CATSPERQ: variants seen among roughly 807,000 people sequenced by gnomAD.
CATSPERQ encodes the protein cation channel sperm-associated auxiliary subunit theta.
chr8:144,354,555 T>TCCGGCC, the CATSPERQ span: 1 of 681,608 alleles, frequency 1.5e-6, no homozygotes, highest in Non-Finnish European at 2.2e-6. This position sits in a 1 kb window ranked among gnomAD's most constrained non-coding sequence, Gnocchi z 4.6. Context: ...CCCGTCTCCC[T>TCCGGCC]CCTCCCCCGC....
At chr8:144,354,344 C>A in the CATSPERQ span, 3 of 1,532,266 alleles carry the variant, frequency 2.0e-6, no homozygotes, top group Non-Finnish European at 8.7e-7. This position sits in a 1 kb window ranked among gnomAD's most constrained non-coding sequence, Gnocchi z 4.6. Flanking sequence ...GGGGGTGGCG[C>A]GGCGCGTGAG....
the CATSPERQ span, chr8:144,354,612 C>A: frequency 6.6e-7 from 1 of 1,523,546 alleles, no homozygotes; most frequent in Non-Finnish European, 8.8e-7. The surrounding 1 kb of genome is among the most constrained non-coding windows in gnomAD (Gnocchi z 4.6). Context: ...CAGCCTCGCG[C>A]GCACCGTTTG....
chr8:144,354,714 G>C, the CATSPERQ span: 1 of 1,535,666 alleles, frequency 6.5e-7, no homozygotes, highest in Non-Finnish European at 8.7e-7. This position sits in a 1 kb window ranked among gnomAD's most constrained non-coding sequence, Gnocchi z 4.6. Flanking sequence ...ACCAGAGCTG[G>C]AAGCGCCAGC....
chr8:144,354,861 A>C, the CATSPERQ span: 2 of 1,469,050 alleles, frequency 1.4e-6, no homozygotes, highest in Non-Finnish European at 1.8e-6. The surrounding 1 kb of genome is among the most constrained non-coding windows in gnomAD (Gnocchi z 4.6). Flanking sequence ...CAAATTCTCC[A>C]GGGCTGCAGG....
At chr8:144,354,509 T>C in the CATSPERQ span, 3 of 1,407,142 alleles carry the variant, frequency 2.1e-6, no homozygotes, top group South Asian at 4.4e-5. This position sits in a 1 kb window ranked among gnomAD's most constrained non-coding sequence, Gnocchi z 4.6. Flanking sequence ...TGGCCCTGCC[T>C]CTGCCCACCT....
chr8:144,353,599 C>T, the CATSPERQ span: 9 of 1,473,620 alleles, frequency 6.1e-6, no homozygotes, highest in Non-Finnish European at 8.1e-6. Context: ...GCGTCTCCTT[C>T]CCCTACCAGG....
At chr8:144,353,797 T>TGCACCA in the CATSPERQ span, 268 of 1,535,566 alleles carry the variant, frequency 1.7e-4, no homozygotes, top group Admixed American at 1.0e-3. Flanking sequence ...CTCCGACAGC[T>TGCACCA]GCACCAGCAC....
the CATSPERQ span, chr8:144,353,256 G>T: frequency 1.4e-6 from 2 of 1,395,290 alleles, no homozygotes; most frequent in Non-Finnish European, 1.9e-6. Flanking sequence ...TTGAAAGGAA[G>T]GCCAGTGAGT....
At chr8:144,354,648 G>C in the CATSPERQ span, 2 of 1,533,352 alleles carry the variant, frequency 1.3e-6, no homozygotes, top group Non-Finnish European at 1.7e-6. This position sits in a 1 kb window ranked among gnomAD's most constrained non-coding sequence, Gnocchi z 4.6. Flanking sequence ...ATGGGTAGAA[G>C]CTATTGTTCT....
At chr8:144,354,223 C>T in the CATSPERQ span, 1 of 1,546,234 alleles carries the variant, frequency 6.5e-7, no homozygotes, top group East Asian at 2.4e-5. The surrounding 1 kb of genome is among the most constrained non-coding windows in gnomAD (Gnocchi z 4.6). Context: ...GGGGTCGGGC[C>T]CAGGGGCTCA....
the CATSPERQ span, chr8:144,354,278 T>A: frequency 6.5e-7 from 1 of 1,535,108 alleles, no homozygotes; most frequent in South Asian, 1.2e-5. This position sits in a 1 kb window ranked among gnomAD's most constrained non-coding sequence, Gnocchi z 4.6. Flanking sequence ...ACGCTGATGA[T>A]GAAGAGCAGC....
chr8:144,354,135 C>T, the CATSPERQ span: 1 of 1,534,820 alleles, frequency 6.5e-7, no homozygotes, highest in Non-Finnish European at 8.7e-7. This position sits in a 1 kb window ranked among gnomAD's most constrained non-coding sequence, Gnocchi z 4.6. Context: ...AGACCCAGGT[C>T]TCTTGCTTCT....
chr8:144,354,110 C>G, the CATSPERQ span: 4 of 1,535,108 alleles, frequency 2.6e-6, no homozygotes, highest in Non-Finnish European at 3.5e-6. This position sits in a 1 kb window ranked among gnomAD's most constrained non-coding sequence, Gnocchi z 4.6. Flanking sequence ...CCCACGCCCA[C>G]GCCGTACACG....
At chr8:144,354,588 C>A in the CATSPERQ span, 12 of 1,283,022 alleles carry the variant, frequency 9.4e-6, no homozygotes, top group Non-Finnish European at 1.3e-5. The surrounding 1 kb of genome is among the most constrained non-coding windows in gnomAD (Gnocchi z 4.6). Context: ...AGCCCCGCCC[C>A]GCCCCGCCCC....
At chr8:144,354,237 C>A in the CATSPERQ span, 1 of 1,543,534 alleles carries the variant, frequency 6.5e-7, no homozygotes, top group East Asian at 2.4e-5. This position sits in a 1 kb window ranked among gnomAD's most constrained non-coding sequence, Gnocchi z 4.6. Flanking sequence ...GGGCTCACAC[C>A]TCTCTCAGGG....
chr8:144,354,014 G>A, the CATSPERQ span: 1 of 1,535,492 alleles, frequency 6.5e-7, no homozygotes, highest in Non-Finnish European at 8.7e-7. The surrounding 1 kb of genome is among the most constrained non-coding windows in gnomAD (Gnocchi z 4.6). Context: ...CACACGGTGC[G>A]GCCCTGGATG....
chr8:144,353,907 C>A, the CATSPERQ span: 10 of 1,528,772 alleles, frequency 6.5e-6, no homozygotes, highest in Non-Finnish European at 8.8e-6. Flanking sequence ...CCCCTCCGAC[C>A]TCCCAAGCTG....
At chr8:144,354,583 C>A in the CATSPERQ span, 5 of 916,262 alleles carry the variant, frequency 5.5e-6, no homozygotes, top group South Asian at 1.6e-5. The surrounding 1 kb of genome is among the most constrained non-coding windows in gnomAD (Gnocchi z 4.6). Context: ...TTCCCAGCCC[C>A]GCCCCGCCCC....
chr8:144,354,117 C>T, the CATSPERQ span: 14 of 1,535,036 alleles, frequency 9.1e-6, no homozygotes, highest in South Asian at 1.7e-4. The surrounding 1 kb of genome is among the most constrained non-coding windows in gnomAD (Gnocchi z 4.6). Context: ...CCACGCCGTA[C>T]ACGAGGAAGA....
Sources: gnomAD v4.1 joint callset for allele counts on GRCh38, gnomAD v4.1.1 for gene constraint, Gnocchi (gnomAD v3.1) non-coding constraint, MANE v1.5 for transcripts, NCBI Gene and HGNC (gene_info 2026-07-23, HGNC 2026-07-21) for gene names.